MAGI3: variants seen among roughly 807,000 people sequenced by gnomAD.
The protein encoded by MAGI3 is membrane-associated guanylate kinase, WW and PDZ domain-containing protein 3.
MAGI3 carries 43 observed loss-of-function variants against 121.8 expected under a neutral mutation model. The ratio of observed to expected loss-of-function variants is 0.35; its 90% CI spans 0.28 to 0.46. The LOEUF is 0.46. Ranked by LOEUF, MAGI3 falls within the 20% of genes least tolerant of loss-of-function variation. The pLI is 1.00. For synonymous variants in MAGI3, 553 were observed against 639.3 expected, an observed-to-expected ratio of 0.86 and a Z score of 2.04; for missense variants, 1,547 against 1,797.3, an observed-to-expected ratio of 0.86 and a Z score of 2.52.
intron 9 of MAGI3, among the ~76,000 whole-genome samples, chr1:113,628,438 T>C (rs758032258): frequency 6.6e-6 from 1 of 152,216 alleles, no homozygotes; most frequent in African/African-American, 2.4e-5. Flanking sequence ...TTAGTCTTTC[T>C]ACCTAAGAGT....
rs1557756936 is a variant in MAGI3 at position 113,437,848 on chromosome 1, CTTCTTCTTCTTCTTCCTCTT to C, written c.316+46500_316+46519del. Among the ~76,000 whole-genome samples the C allele has an allele frequency of 5.4e-3, 329 of 60,696 alleles. 6 individuals carry two copies. Among genetic ancestry groups the C allele is most frequent in the African/African-American group, 0.016 (205 of 13,136 alleles). The allele number at this position is 60,696 out of a possible 152,430, so 39.8% of individuals were successfully genotyped here. ...TCTTCTTCTTCTTCTTCTTCTTCTTCTTCTTCTTCTTCTTCCTCTTCTTCTTCTTCTCCTTCTCCTTCTCC... is the reference window on the plus strand; with the variant it reads ...TCTTCTTCTTCTTCTTCTTCTTCTTCCTTCTTCTTCTCCTTCTCCTTCTCC... On this transcript the variant is annotated intron_variant, in intron 1 of 20. Transcript: ENST00000307546.
At position 113,642,371 on chromosome 1, in the gene MAGI3, T is replaced by C; in HGVS notation, c.1821T>C (p.Ser607=). The C allele has an allele frequency of 6.2e-7, 1 of 1,614,136 alleles. No homozygotes were observed. The highest frequency in any genetic ancestry group is 8.5e-7 in the Non-Finnish European group (1 of 1,180,026). ...AGAAGGTGAAAATGATACTGGATAG[T>C]CAGTGGTGTCAAGGCCTTCAGAAAG... ...TGQKVKMILD[S]QWCQGLQKGD... Residue 607 remains serine (S), a synonymous_variant, in exon 10 of 21, where the codon AGT becomes AGC. Coordinates refer to ENST00000307546, the MANE Select transcript of MAGI3 (RefSeq NM_001142782.2).
At chr1:113,604,679 C>G (rs1649639955) in intron 6 of MAGI3, among the ~76,000 whole-genome samples, 1 of 149,226 alleles carries the variant, frequency 6.7e-6, no homozygotes. Context: ...TTTGCAGCAA[C>G]TTGGATGGAG....
intron 1 of MAGI3, chr1:113,449,654 A>C: frequency 1.4e-6 from 1 of 734,186 alleles, no homozygotes; most frequent in Non-Finnish European, 2.5e-6. Context: ...ATTTTTCAGT[A>C]TATCGATATT....
intron 13 of MAGI3, among the ~76,000 whole-genome samples, chr1:113,650,175 G>C (rs1275806406): frequency 1.3e-5 from 2 of 151,710 alleles, no homozygotes; most frequent in African/African-American, 4.8e-5. Context: ...GTTCTAATTG[G>C]TCATATTGGT....
chr1:113,506,653 TCA>T (rs952033639), intron 1 of MAGI3, among the ~76,000 whole-genome samples: 11 of 152,200 alleles, frequency 7.2e-5, no homozygotes, highest in African/African-American at 2.7e-4. Context: ...AGCTTGCCAC[TCA>T]CAGAGTCCAA....
chr1:113,656,273 G>A (rs1430486108), intron 15 of MAGI3, among the ~76,000 whole-genome samples: 3 of 152,126 alleles, frequency 2.0e-5, no homozygotes, highest in Admixed American at 2.0e-4. Flanking sequence ...AAAGGGTCCT[G>A]GGGAAAGCTC....
intron 1 of MAGI3, among the ~76,000 whole-genome samples, chr1:113,471,267 A>G (rs1220936857): frequency 6.6e-6 from 1 of 152,230 alleles, no homozygotes; most frequent in African/African-American, 2.4e-5. Flanking sequence ...TTGAAATCAT[A>G]TCAAATATTT....
intron 2 of MAGI3, among the ~76,000 whole-genome samples, chr1:113,574,159 T>C (rs113884861): frequency 7.5e-4 from 115 of 152,338 alleles, no homozygotes; most frequent in African/African-American, 2.6e-3. Flanking sequence ...TTTGCCAGTC[T>C]GTGTCTTTTA....
At chr1:113,618,507 ATTTTTT>A in intron 7 of MAGI3, 1 of 450,082 alleles carries the variant, frequency 2.2e-6, no homozygotes, top group South Asian at 1.6e-5. Context: ...CTTTATTTTT[ATTTTTT>A]ATTTTTTTTG....
intron 1 of MAGI3, among the ~76,000 whole-genome samples, chr1:113,508,071 G>A (rs1382637892): frequency 1.3e-5 from 2 of 152,192 alleles, no homozygotes; most frequent in African/African-American, 4.8e-5. Flanking sequence ...GGAAAGCTAT[G>A]TGGAGCTTGA....
chr1:113,556,069 G>C (rs1659978620), intron 2 of MAGI3, among the ~76,000 whole-genome samples: 2 of 152,104 alleles, frequency 1.3e-5, no homozygotes, highest in South Asian at 4.1e-4. Flanking sequence ...GTTGTAGCTA[G>C]AGTAGTATTT....
chr1:113,572,537 T>C (rs916712378), intron 2 of MAGI3, among the ~76,000 whole-genome samples: 4 of 152,176 alleles, frequency 2.6e-5, no homozygotes, highest in African/African-American at 9.7e-5. Flanking sequence ...CTTTTTTTGG[T>C]TGGTAGGCTA....
chr1:113,681,607 A>G (rs890218882), intron 20 of MAGI3, among the ~76,000 whole-genome samples: 1 of 152,270 alleles, frequency 6.6e-6, no homozygotes, highest in African/African-American at 2.4e-5. Context: ...ACCTATTAAA[A>G]AAGTGTATTA....
intron 1 of MAGI3, among the ~76,000 whole-genome samples, chr1:113,515,492 G>T (rs771616653): frequency 2.4e-4 from 36 of 151,892 alleles, no homozygotes; most frequent in Admixed American, 5.2e-4. Context: ...AATATTTTTT[G>T]AATACAAATT....
At position 113,391,677 on chromosome 1, in the gene MAGI3, G is replaced by C. The variant is rs949828862; in HGVS notation, c.316+328G>C. Among the ~76,000 whole-genome samples, 8 of 152,144 alleles carry C rather than the reference G, an allele frequency of 5.3e-5. No homozygotes were observed. Among genetic ancestry groups the C allele is most frequent in the African/African-American group, 1.9e-4 (8 of 41,434 alleles). On this transcript the variant is annotated intron_variant, in intron 1 of 20. Coordinates refer to ENST00000307546, the MANE Select transcript of MAGI3 (RefSeq NM_001142782.2). The surrounding 1 kb of genome is among the most constrained non-coding windows in gnomAD (Gnocchi z 4.4). ...GACTAGAGAAGGCCAGCCTTTTCCT[G>C]TGTTGTGCAAAAAGGCCCTTAGGAT...
chr1:113,411,868 C>T (rs908662420), intron 1 of MAGI3, among the ~76,000 whole-genome samples: 3 of 151,448 alleles, frequency 2.0e-5, no homozygotes, highest in Non-Finnish European at 4.4e-5. Context: ...ATAGAAATAA[C>T]TTATTTATTT....
At chr1:113,429,989 C>CT (rs1653219534) in intron 1 of MAGI3, among the ~76,000 whole-genome samples, 1 of 152,170 alleles carries the variant, frequency 6.6e-6, no homozygotes, top group African/African-American at 2.4e-5. Flanking sequence ...TTCAGAAACA[C>CT]TAAGTGAAAC....
chr1:113,519,658 C>A (rs889142579), intron 1 of MAGI3, among the ~76,000 whole-genome samples: 1 of 152,176 alleles, frequency 6.6e-6, no homozygotes, highest in Non-Finnish European at 1.5e-5. Flanking sequence ...CCAGTGGAGT[C>A]ACACAGGATG....
Sources: gnomAD v4.1 joint callset for allele counts (sites outside exome capture counted in the v4.1 genomes callset) on GRCh38, gnomAD v4.1.1 for gene constraint, Gnocchi (gnomAD v3.1) non-coding constraint, MANE v1.5 for transcripts, NCBI Gene and HGNC (gene_info 2026-07-23, HGNC 2026-07-21) for gene names.